CLMN: variants seen among roughly 807,000 people sequenced by gnomAD.
CLMN encodes calmin (calponin-like, transmembrane).
In CLMN, 57 loss-of-function variants were observed where a neutral mutation model predicts 92.7. That is an observed-to-expected ratio of 0.61 (90% CI 0.50 to 0.77). The LOEUF (loss-of-function observed/expected upper bound fraction) is 0.77. Ranked by LOEUF, CLMN falls within the 30% of genes least tolerant of loss-of-function variation. The pLI, the probability that CLMN is intolerant of heterozygous loss-of-function variation, is 0.00. For synonymous variants in CLMN, 466 were observed against 470.6 expected, an observed-to-expected ratio of 0.99 and a Z score of 0.13; for missense variants, 1,158 against 1,237.5, an observed-to-expected ratio of 0.94 and a Z score of 0.96.
intron 1 of CLMN, among the ~76,000 whole-genome samples, chr14:95,308,839 C>T (rs1017877277): frequency 6.6e-6 from 1 of 152,162 alleles, no homozygotes; most frequent in Admixed American, 6.5e-5. Flanking sequence ...GCCGTGCGCA[C>T]GCATGGGGGA....
chr14:95,249,066 C>T (rs1267470798), intron 1 of CLMN, among the ~76,000 whole-genome samples: 1 of 145,718 alleles, frequency 6.9e-6, no homozygotes, highest in African/African-American at 2.8e-5. Flanking sequence ...GAAAAAAAGG[C>T]ACATGGATTA....
intron 2 of CLMN, among the ~76,000 whole-genome samples, chr14:95,229,169 C>T (rs561768692): frequency 1.3e-5 from 2 of 152,306 alleles, no homozygotes; most frequent in South Asian, 4.2e-4. Context: ...AATCTCTCCT[C>T]TCCCAGCCCC....
At position 95,245,194 on chromosome 14, in the gene CLMN, A is replaced by ATAAT. The variant is rs1491250953; in HGVS notation, c.83-15062_83-15061insATTA. Among the ~76,000 whole-genome samples, 91 of 35,478 alleles carry ATAAT rather than the reference A, an allele frequency of 2.6e-3. 3 individuals carry two copies. Among genetic ancestry groups the ATAAT allele is most frequent in the East Asian group, 0.016 (12 of 748 alleles). 23.3% of individuals were successfully genotyped at this position (35,478 alleles called of 152,430 possible). A position where few individuals can be genotyped will look rare whatever the true frequency, so the allele number is the denominator to read the frequency against. On this transcript the variant is annotated intron_variant, in intron 1 of 12. Transcript: ENST00000298912. ...TTATATTATATATATATATATATAT[A>ATAAT]ATATATATATATATTATATATATAT...
At chr14:95,254,142 G>A (rs976023156) in intron 1 of CLMN, among the ~76,000 whole-genome samples, 1 of 152,096 alleles carries the variant, frequency 6.6e-6, no homozygotes, top group African/African-American at 2.4e-5. Context: ...TCTATGTAAC[G>A]GGGGTGATGA....
intron 9 of CLMN, among the ~76,000 whole-genome samples, chr14:95,200,935 CTG>C (rs1037590720): frequency 4.3e-5 from 6 of 139,358 alleles, no homozygotes; most frequent in African/African-American, 1.3e-4. Context: ...GCTACGATGA[CTG>C]TTTTTTTCTT....
At chr14:95,267,788 T>G (rs973400488) in intron 1 of CLMN, among the ~76,000 whole-genome samples, 41 of 152,296 alleles carry the variant, frequency 2.7e-4, no homozygotes, top group Middle Eastern at 6.8e-3. Context: ...CATCCACAGA[T>G]AAATGAATAA....
At chr14:95,209,271 G>C in intron 8 of CLMN, 124 bp downstream of exon 8, 2 of 804,784 alleles carry the variant, frequency 2.5e-6, no homozygotes, top group Non-Finnish European at 4.4e-6. Context: ...AAGGGACTTG[G>C]GAGCAACTGG....
rs908081887 is a variant in CLMN, at chr14:95,186,656, A to T, written c.*4908T>A. 3.9e-5 allele frequency: 6 copies of T among 152,230 alleles called. No individual in the cohort carries two copies. Among genetic ancestry groups the T allele is most frequent in the African/African-American group, 1.4e-4 (6 of 41,448 alleles). 9.4% of individuals were successfully genotyped at this position (152,230 alleles called of 1,614,324 possible). ...CATAGCTCACAGTAACCTCAAAGTC[A>T]TGGGCTCAAACAATTCTCCTGCCTC... is the stretch of plus-strand genomic sequence containing the variant. On this transcript the variant is annotated 3_prime_UTR_variant, in exon 13 of 13. Coordinates refer to ENST00000298912, the MANE Select transcript of CLMN (RefSeq NM_024734.4).
chr14:95,188,043 G>A lies in CLMN; in HGVS notation c.*3521C>T, dbSNP rs1015926725. ...GGGAATATCTCTCAAGAAACAGAAT[G>A]AGCCCCAGAGAAAACACGTGCAAAT... On this transcript the variant is annotated 3_prime_UTR_variant, in exon 13 of 13. Coordinates refer to ENST00000298912, the MANE Select transcript of CLMN (RefSeq NM_024734.4). 1.3e-5 allele frequency: 2 copies of A among 152,314 alleles called. No individual in the cohort carries two copies. Among genetic ancestry groups the A allele is most frequent in the Middle Eastern group, 3.4e-3 (1 of 294 alleles). 9.4% of individuals were successfully genotyped at this position (152,314 alleles called of 1,614,324 possible).
chr14:95,206,793 A>G (rs890639112), intron 8 of CLMN, among the ~76,000 whole-genome samples: 8 of 152,204 alleles, frequency 5.3e-5, no homozygotes, highest in African/African-American at 1.7e-4. Flanking sequence ...GATTTGCTCA[A>G]TTTTAGCTGT....
chr14:95,277,862 G>T (rs1899994169), intron 1 of CLMN, among the ~76,000 whole-genome samples: 1 of 152,216 alleles, frequency 6.6e-6, no homozygotes, highest in Admixed American at 6.5e-5. Flanking sequence ...CCTAACTTCA[G>T]GTCATCCACC....
At chr14:95,286,772 C>T (rs1424301229) in intron 1 of CLMN, among the ~76,000 whole-genome samples, 3 of 152,142 alleles carry the variant, frequency 2.0e-5, no homozygotes, top group African/African-American at 7.2e-5. Context: ...GCAGAGAGAA[C>T]AGTGAGTTCA....
At chr14:95,288,157 G>T (rs967194698) in intron 1 of CLMN, among the ~76,000 whole-genome samples, 1 of 152,162 alleles carries the variant, frequency 6.6e-6, no homozygotes, top group African/African-American at 2.4e-5. Flanking sequence ...CTGCCACAGT[G>T]GTATCCCCCA....
At chr14:95,229,973 G>T in intron 2 of CLMN, 99 bp downstream of exon 2, 1 of 1,148,668 alleles carries the variant, frequency 8.7e-7, no homozygotes, top group Non-Finnish European at 1.3e-6. Flanking sequence ...ATGAACAACA[G>T]AAAGAGCACA....
At chr14:95,257,014 G>A (rs566020861) in intron 1 of CLMN, among the ~76,000 whole-genome samples, 4 of 152,316 alleles carry the variant, frequency 2.6e-5, no homozygotes, top group South Asian at 2.1e-4. Context: ...ACAGACAGGA[G>A]GGGGACACAG....
Position 95,210,813 on chromosome 14 carries a change from G to T in CLMN, c.675C>A (p.Ile225=). The T allele has an allele frequency of 6.3e-7, 1 of 1,586,354 alleles. No individual in the cohort carries two copies. The highest frequency in any genetic ancestry group is 1.9e-5 in the Admixed American group (1 of 52,622). ...WRSGLAFLAV[I]KAIDPSLVDM... ...CCACCAGGCTGGGGTCAATGGCCTTGATCACCGCCAGGAAAGCCAGCCCAC... is the reference window on the plus strand; with the variant it reads ...CCACCAGGCTGGGGTCAATGGCCTTTATCACCGCCAGGAAAGCCAGCCCAC... The change falls in exon 7 of 13, where the codon ATC becomes ATA. Residue 225 remains isoleucine, a synonymous_variant. Transcript: ENST00000298912.
At chr14:95,316,620 G>A (rs74950390) in intron 1 of CLMN, among the ~76,000 whole-genome samples, 7,080 of 152,286 alleles carry the variant, frequency 0.046, 787 homozygotes, top group East Asian at 0.45. Context: ...ACAGTTCAGC[G>A]TGAGAGATAA....
At chr14:95,230,455 C>T (rs904858707) in intron 1 of CLMN, among the ~76,000 whole-genome samples, 1 of 152,224 alleles carries the variant, frequency 6.6e-6, no homozygotes. Flanking sequence ...ACAAATCAAC[C>T]CCACAAGAGG....
intron 4 of CLMN, among the ~76,000 whole-genome samples, chr14:95,217,946 C>T (rs1344898633): frequency 6.6e-6 from 1 of 152,178 alleles, no homozygotes; most frequent in African/African-American, 2.4e-5. Flanking sequence ...GCAGGTGGTC[C>T]GAGGCCCCAA....
Sources: allele counts gnomAD v4.1 joint callset (sites outside exome capture counted in the v4.1 genomes callset), GRCh38; gene constraint gnomAD v4.1.1; transcripts MANE v1.5; gene names NCBI Gene and HGNC (gene_info 2026-07-23, HGNC 2026-07-21).